The following CRLF3 variants were observed in gnomAD, a reference collection of about 807,000 sequenced individuals.
The protein encoded by CRLF3 is cytokine receptor-like factor 3.
Under a neutral mutation model 55.0 loss-of-function variants are expected in CRLF3, and 33 were observed. The observed-to-expected ratio is 0.60, with a 90% CI of 0.46 to 0.80. The LOEUF (loss-of-function observed/expected upper bound fraction) is 0.80. Ranked by LOEUF, CRLF3 falls within the 30% of genes least tolerant of loss-of-function variation. The pLI is 0.00. For synonymous variants in CRLF3, 238 were observed against 196.8 expected (o/e 1.21, Z -1.75); for missense variants, 494 against 538.4 (o/e 0.92, Z 0.82).
At chr17:30,788,623 TTTG>T (rs1206998181) in intron 6 of CRLF3, among the ~76,000 whole-genome samples, 27 of 140,576 alleles carry the variant, frequency 1.9e-4, no homozygotes, top group African/African-American at 5.2e-4. Context: ...TTTTTTTTTT[TTTG>T]AGACAGCATC....
Position 30,792,451 on chromosome 17 carries a change from T to C in CRLF3, c.948A>G (p.Thr316=). Residue 316 remains threonine (T), a synonymous_variant, in exon 6 of 8, where the codon ACA becomes ACG. Coordinates refer to ENST00000324238, the MANE Select transcript of CRLF3 (RefSeq NM_015986.4). ...SRAPTYFCGQ[T]LTFRVETVGQ... ...TAATATCTACTTGCCTGAATGTTAA[T>C]GTCTGCCCACAGAAATAAGTCGGAG... The C allele has an allele frequency of 1.2e-6, 2 of 1,611,124 alleles. No homozygotes were observed. Among genetic ancestry groups the C allele is most frequent in the East Asian group, 2.2e-5 (1 of 44,802 alleles).
At chr17:30,815,477 A>G (rs1567668482) in intron 1 of CRLF3, among the ~76,000 whole-genome samples, 1 of 146,780 alleles carries the variant, frequency 6.8e-6, no homozygotes. Context: ...CCAACTTGCC[A>G]TCCCAAAGTG....
intron 1 of CRLF3, among the ~76,000 whole-genome samples, chr17:30,821,281 A>G (rs942256595): frequency 2.6e-5 from 4 of 151,352 alleles, no homozygotes; most frequent in African/African-American, 9.7e-5. Context: ...CAGAGCTTGC[A>G]GTGAGCTGAG....
chr17:30,788,641 T>G (rs1452759493), intron 6 of CRLF3, among the ~76,000 whole-genome samples: 1 of 127,886 alleles, frequency 7.8e-6, no homozygotes, highest in Admixed American at 9.6e-5. Flanking sequence ...AGCATCTCAC[T>G]CTGTTGCCCC....
intron 1 of CRLF3, among the ~76,000 whole-genome samples, chr17:30,810,546 AGC>A (rs1441658354): frequency 1.3e-5 from 2 of 152,144 alleles, no homozygotes; most frequent in Non-Finnish European, 2.9e-5. Context: ...TGGGCAATAG[AGC>A]AAGACTCCAC....
At chr17:30,803,714 T>C in intron 2 of CRLF3, 187 bp downstream of exon 2, 1 of 609,114 alleles carries the variant, frequency 1.6e-6, no homozygotes, top group Non-Finnish European at 2.9e-6. Flanking sequence ...TCTCATTCTC[T>C]TCTCTTGTCT....
Position 30,792,284 on chromosome 17 carries a change from A to G in CRLF3, c.959+156T>C, listed in dbSNP as rs1971819270. The G allele has an allele frequency of 1.7e-5, 10 of 590,620 alleles. No homozygotes were observed. In the Admixed American group the frequency reaches 1.7e-4, roughly 10 times the overall value. The allele number at this position is 590,620 out of a possible 1,614,324, so 36.6% of individuals were successfully genotyped here. A position where few individuals can be genotyped will look rare whatever the true frequency, so the allele number is the denominator to read the frequency against. ...AATAACCCTGTGAATACAGATGAGA[A>G]AACTACAGCTACAGGAAATAAAGAA... On this transcript the variant is annotated intron_variant, in intron 6 of 7. Coordinates refer to ENST00000324238, the MANE Select transcript of CRLF3 (RefSeq NM_015986.4).
At position 30,784,461 on chromosome 17, in the gene CRLF3, A is replaced by G; in HGVS notation, c.1073-18T>C. 2 of 1,601,640 alleles carry G rather than the reference A, an allele frequency of 1.2e-6. No homozygotes were observed. The highest frequency in any genetic ancestry group is 1.7e-6 in the Non-Finnish European group (2 of 1,169,558). On this transcript the variant is annotated intron_variant, in intron 7 of 7. Transcript: ENST00000324238. ...AACTGCACCTAAAATGTTAAGGTAA[A>G]GAGTCATTTACATGTGAGCAATAAC...
At chr17:30,802,671 C>T (rs1229022629) in intron 2 of CRLF3, among the ~76,000 whole-genome samples, 2 of 151,616 alleles carry the variant, frequency 1.3e-5, no homozygotes, top group Non-Finnish European at 2.9e-5. Flanking sequence ...GATCCACTTG[C>T]TTCAGCCTCC....
chr17:30,796,178 G>A lies in CRLF3; in HGVS notation c.585C>T (p.Ile195=). 1 of 1,612,464 alleles carries A rather than the reference G, an allele frequency of 6.2e-7. No homozygotes were observed. The change falls in exon 4 of 8, where the codon ATC becomes ATT. Residue 195 remains isoleucine (I), a synonymous_variant. Transcript: ENST00000324238. ...TACATACCTTACACCATCGTACAAT[G>A]ATGCCTCCAGGTTTCTCTATTAGTT... ...IEELIEKPGG[I]IVRWCKVDDD...
rs1971855962 is a variant in CRLF3 at position 30,793,509 on chromosome 17, C to T, written c.767G>A (p.Arg256Gln). 10 of 1,614,112 alleles carry T rather than the reference C, an allele frequency of 6.2e-6. No individual in the cohort carries two copies. Among genetic ancestry groups the T allele is most frequent in the South Asian group, 1.1e-5 (1 of 91,076 alleles). ...GACACTCCAAGGACTCCACTCCTGT[C>T]GGCCATCTCCTCGGGCGCAGACTCT... ...QFRVCARGDG[R>Q]QEWSPWSVPQ... The change falls in exon 5 of 8, where the codon CGA becomes CAA. Residue 256 changes from arginine (R) to glutamine (Q), a missense_variant. Transcript: ENST00000324238.
chr17:30,802,600 T>A (rs1972025553), intron 2 of CRLF3, among the ~76,000 whole-genome samples: 1 of 149,910 alleles, frequency 6.7e-6, no homozygotes, highest in Non-Finnish European at 1.5e-5. Context: ...CCAGCTAAGT[T>A]TTTTTTTTTT....
chr17:30,797,051 CG>C (rs1428259109), intron 3 of CRLF3, among the ~76,000 whole-genome samples: 3 of 151,860 alleles, frequency 2.0e-5, no homozygotes, highest in Non-Finnish European at 2.9e-5. Flanking sequence ...GGTCCATGCC[CG>C]TCTAATTTTT....
intron 1 of CRLF3, 126 bp downstream of exon 1, chr17:30,824,397 A>C: frequency 9.8e-7 from 1 of 1,019,366 alleles, no homozygotes; most frequent in Non-Finnish European, 1.3e-6. Context: ...GTCTCCTTTC[A>C]AATGAATGCC....
At chr17:30,789,992 T>A (rs55938328) in intron 6 of CRLF3, among the ~76,000 whole-genome samples, 2 of 151,802 alleles carry the variant, frequency 1.3e-5, no homozygotes, top group Non-Finnish European at 2.9e-5. Context: ...AGGTATTAGT[T>A]GTTTTTTTTT....
At chr17:30,795,102 T>C (rs920832921) in intron 4 of CRLF3, among the ~76,000 whole-genome samples, 2 of 151,988 alleles carry the variant, frequency 1.3e-5, no homozygotes, top group African/African-American at 2.4e-5. Flanking sequence ...GGTCCACTGA[T>C]AGGAAAAATA....
intron 2 of CRLF3, chr17:30,803,604 T>G: frequency 3.4e-6 from 1 of 293,602 alleles, no homozygotes; most frequent in Non-Finnish European, 6.4e-6. Context: ...CGGTGGGAGA[T>G]AATTGAATCA....
intron 1 of CRLF3, among the ~76,000 whole-genome samples, chr17:30,824,058 A>G (rs1905067580): frequency 6.6e-6 from 1 of 151,680 alleles, no homozygotes; most frequent in Admixed American, 6.6e-5. Flanking sequence ...CTCGCCCCTT[A>G]GTCCTCCCCT....
At position 30,793,440 on chromosome 17, in the gene CRLF3, A is replaced by G; in HGVS notation, c.826+10T>C. On this transcript the variant is annotated intron_variant, in intron 5 of 7. Coordinates refer to ENST00000324238, the MANE Select transcript of CRLF3 (RefSeq NM_015986.4). Reference sequence around the variant, plus strand: ...GTTAGGCTTCAGGAGAGAAAAGGTTAGCAGCATACCATGAGGCACCAATGT... The same window carrying G: ...GTTAGGCTTCAGGAGAGAAAAGGTTGGCAGCATACCATGAGGCACCAATGT... The G allele has an allele frequency of 6.2e-7, 1 of 1,606,896 alleles. No individual in the cohort carries two copies. Among genetic ancestry groups the G allele is most frequent in the Non-Finnish European group, 8.5e-7 (1 of 1,173,480 alleles).
Sources: gnomAD v4.1 joint callset for allele counts (sites outside exome capture counted in the v4.1 genomes callset) on GRCh38, gnomAD v4.1.1 for gene constraint, MANE v1.5 for transcripts, NCBI Gene and HGNC (gene_info 2026-07-23, HGNC 2026-07-21) for gene names.